CDH12: variants seen among roughly 807,000 people sequenced by gnomAD.
CDH12 encodes cadherin 12.
A neutral mutation model predicts 74.1 loss-of-function variants in CDH12; 41 were observed. That is an observed-to-expected ratio of 0.55 (90% confidence interval 0.43 to 0.72). The LOEUF is 0.72. Among genes scored for constraint, CDH12 ranks in the 30% least tolerant of loss-of-function variants. CDH12 has a pLI of 0.00. For synonymous variants in CDH12, 399 were observed against 355.0 expected (o/e 1.12, Z -1.39); for missense variants, 945 against 977.2 (o/e 0.97, Z 0.44).
chr5:21,883,161 A>C (rs1752446904), intron 6 of CDH12: 3 of 1,510,480 alleles, frequency 2.0e-6, no homozygotes. Context: ...TGATGCAATG[A>C]AAAAGGTTGG....
chr5:22,526,269 C>T (rs150079643), intron 1 of CDH12, among the ~76,000 whole-genome samples: 1 of 152,254 alleles, frequency 6.6e-6, no homozygotes, highest in East Asian at 1.9e-4. Flanking sequence ...TGTTGACTTA[C>T]TCATCTTTCA....
intron 1 of CDH12, among the ~76,000 whole-genome samples, chr5:22,780,754 G>A (rs1228401064): frequency 1.3e-5 from 2 of 152,076 alleles, no homozygotes; most frequent in Admixed American, 1.3e-4. Context: ...TGGCGTAGGT[G>A]ACAGAATGAG....
chr5:21,911,924 A>G (rs1220039807), intron 6 of CDH12, among the ~76,000 whole-genome samples: 5 of 152,126 alleles, frequency 3.3e-5, no homozygotes, highest in Admixed American at 6.6e-5. Flanking sequence ...TGATGGTTAT[A>G]TTATGTAAGT....
chr5:21,897,162 C>A (rs6452025), intron 6 of CDH12, among the ~76,000 whole-genome samples: 107,030 of 152,018 alleles, frequency 0.7, 39,325 homozygotes, highest in Non-Finnish European at 0.8. Context: ...CAATGACAGC[C>A]AGGTATTGTC....
chr5:22,643,291 A>C (rs1264154804), intron 1 of CDH12, among the ~76,000 whole-genome samples: 1 of 152,130 alleles, frequency 6.6e-6, no homozygotes, highest in Non-Finnish European at 1.5e-5. Flanking sequence ...ATGTCGACTT[A>C]CTATTGTGAT....
Position 22,478,336 on chromosome 5 carries a change from T to A in CDH12, c.-428+26934A>T, listed in dbSNP as rs539969724. On this transcript the variant is annotated intron_variant, in intron 2 of 14. Coordinates refer to ENST00000382254, the MANE Select transcript of CDH12 (RefSeq NM_004061.5). ...GGGAGGCTGAGGCAGGAGAATGGCG[T>A]GAACCTGGGAGGCGGAGCTTTCAGT... Among the ~76,000 whole-genome samples the A allele has an allele frequency of 2.9e-5, 4 of 139,116 alleles. 1 individual carries two copies. In the South Asian group the frequency reaches 8.7e-4, roughly 30 times the overall value. The allele number at this position is 139,116 out of a possible 152,430, so 91.3% of individuals were successfully genotyped here. A position where few individuals can be genotyped will look rare whatever the true frequency, so the allele number is the denominator to read the frequency against.
intron 1 of CDH12, among the ~76,000 whole-genome samples, chr5:22,744,491 A>C (rs150209504): frequency 6.2e-4 from 95 of 152,294 alleles, no homozygotes; most frequent in African/African-American, 2.2e-3. Context: ...GAATTGTTTA[A>C]TTCATCTCAT....
intron 5 of CDH12, among the ~76,000 whole-genome samples, chr5:22,016,356 C>A (rs1441131767): frequency 2.0e-5 from 3 of 151,984 alleles, no homozygotes; most frequent in Non-Finnish European, 4.4e-5. Flanking sequence ...ACTTTGTAAT[C>A]TTTTCTGCTC....
chr5:21,930,997 G>C (rs1042056054), intron 6 of CDH12, among the ~76,000 whole-genome samples: 1 of 152,250 alleles, frequency 6.6e-6, no homozygotes. Context: ...GGGAAAACAG[G>C]TATGTGCCAA....
chr5:21,783,566 G>T, intron 10 of CDH12, 72 bp from the exon 11 acceptor site: 1 of 1,130,562 alleles, frequency 8.8e-7, no homozygotes, highest in South Asian at 1.4e-5. Context: ...AGGCTAACTT[G>T]ACACAGTTCC....
chr5:21,839,772 G>A, intron 8 of CDH12, among the ~76,000 whole-genome samples: 1 of 152,098 alleles, frequency 6.6e-6, no homozygotes, highest in African/African-American at 2.4e-5. Flanking sequence ...TTATGCAAAT[G>A]ACTGCCTAGT....
At chr5:22,161,101 C>A (rs1277896838) in intron 4 of CDH12, among the ~76,000 whole-genome samples, 1 of 152,152 alleles carries the variant, frequency 6.6e-6, no homozygotes, top group Non-Finnish European at 1.5e-5. Flanking sequence ...GGGGAACATA[C>A]ACAAGTGTAT....
intron 3 of CDH12, among the ~76,000 whole-genome samples, chr5:22,288,832 TATA>T (rs1180951975): frequency 6.6e-6 from 1 of 152,150 alleles, no homozygotes; most frequent in Non-Finnish European, 1.5e-5. Context: ...CTGAAGAAAA[TATA>T]ATAACAACTT....
chr5:22,691,983 G>A (rs1323597500), intron 1 of CDH12, among the ~76,000 whole-genome samples: 2 of 152,164 alleles, frequency 1.3e-5, no homozygotes, highest in Non-Finnish European at 2.9e-5. Context: ...TGGTGATATA[G>A]TTTGGATATT....
chr5:21,833,021 T>C (rs1749167011), intron 8 of CDH12, among the ~76,000 whole-genome samples: 1 of 50,904 alleles, frequency 2.0e-5, no homozygotes, highest in Non-Finnish European at 2.7e-5. Flanking sequence ...ATATATGATA[T>C]AATATATAAT....
At chr5:22,270,759 C>T (rs192431730) in intron 3 of CDH12, among the ~76,000 whole-genome samples, 360 of 152,068 alleles carry the variant, frequency 2.4e-3, no homozygotes, top group Non-Finnish European at 3.6e-3. Flanking sequence ...GCATCCTCCA[C>T]CTTCTGGTTT....
chr5:21,872,842 A>C (rs1431692571), intron 6 of CDH12, among the ~76,000 whole-genome samples: 1 of 149,992 alleles, frequency 6.7e-6, no homozygotes, highest in East Asian at 2.0e-4. Flanking sequence ...ATCATCTATT[A>C]TCTATCGATC....
At chr5:22,065,113 G>GA (rs908577088) in intron 5 of CDH12, among the ~76,000 whole-genome samples, 2 of 152,144 alleles carry the variant, frequency 1.3e-5, no homozygotes, top group Non-Finnish European at 2.9e-5. Context: ...GGCCTCGCCT[G>GA]ATGCTGTTAC....
chr5:22,063,808 A>G (rs1199958378), intron 5 of CDH12, among the ~76,000 whole-genome samples: 1 of 152,040 alleles, frequency 6.6e-6, no homozygotes, highest in Non-Finnish European at 1.5e-5. Flanking sequence ...TAAAACAGAC[A>G]TACTTCTTCC....
Sources: gnomAD v4.1 joint callset for allele counts (sites outside exome capture counted in the v4.1 genomes callset) on GRCh38, gnomAD v4.1.1 for gene constraint, MANE v1.5 for transcripts, NCBI Gene and HGNC (gene_info 2026-07-23, HGNC 2026-07-21) for gene names.